Variants in NCKAP5 observed in about 807,000 individuals in gnomAD.
NCKAP5 encodes the protein nck-associated protein 5.
Under a neutral mutation model 167.0 loss-of-function variants are expected in NCKAP5, and 92 were observed. The observed-to-expected ratio is 0.55, with a 90% CI of 0.47 to 0.66. The LOEUF is 0.66. Among genes scored for constraint, NCKAP5 ranks in the 30% least tolerant of loss-of-function variants. The probability of loss-of-function intolerance (pLI) is 0.00; values close to 1 mark genes in which losing one functional copy is unlikely to be tolerated. For missense variants in NCKAP5, 2,378 were observed against 2,315.0 expected, an observed-to-expected ratio of 1.03 and a Z score of -0.56; for synonymous variants, 891 against 877.4, an observed-to-expected ratio of 1.02 and a Z score of -0.27.
intron 4 of NCKAP5, among the ~76,000 whole-genome samples, chr2:133,241,783 A>C (rs1260411803): frequency 1.3e-5 from 2 of 152,202 alleles, no homozygotes; most frequent in Admixed American, 6.5e-5. Context: ...TATGAATTTC[A>C]GAATGAGATG....
the NCKAP5 span, among the ~76,000 whole-genome samples, chr2:133,670,622 A>G: frequency 2.6e-5 from 4 of 152,152 alleles, no homozygotes; most frequent in African/African-American, 9.7e-5. Flanking sequence ...CAAGGTCCCT[A>G]CCCTCATGGG....
the NCKAP5 span, among the ~76,000 whole-genome samples, chr2:133,663,702 C>T: frequency 1.3e-5 from 2 of 152,182 alleles, no homozygotes; most frequent in Non-Finnish European, 2.9e-5. Context: ...AATTCAGTCA[C>T]ATCTTCAGGC....
At chr2:133,597,748 C>T in the NCKAP5 span, among the ~76,000 whole-genome samples, 1 of 151,242 alleles carries the variant, frequency 6.6e-6, no homozygotes, top group Non-Finnish European at 1.5e-5. Context: ...CAAACCTCCT[C>T]TCATGCCTCT....
rs529663021 is a variant in NCKAP5, at chr2:132,803,872, G to A, written c.808-7143C>T. Reference sequence around the variant, plus strand: ...CCCTGAGCAGACCAAGCACACAAAGGAGAAAAAAATACAAGAATTCTTAAG... The same window carrying A: ...CCCTGAGCAGACCAAGCACACAAAGAAGAAAAAAATACAAGAATTCTTAAG... On this transcript the variant is annotated intron_variant, in intron 11 of 19. Transcript: ENST00000409261. Among the ~76,000 whole-genome samples the A allele has an allele frequency of 3.3e-5, 5 of 151,898 alleles. No homozygotes were observed. The East Asian group carries it at 9.7e-4, about 29-fold the overall frequency.
intron 5 of NCKAP5, among the ~76,000 whole-genome samples, chr2:133,168,502 T>A (rs1366948346): frequency 1.3e-5 from 2 of 152,034 alleles, no homozygotes; most frequent in Non-Finnish European, 2.9e-5. Flanking sequence ...TCTATTACAG[T>A]GTGGAGTCAT....
intron 3 of NCKAP5, among the ~76,000 whole-genome samples, chr2:133,326,266 C>T (rs185330046): frequency 2.4e-4 from 36 of 152,042 alleles, no homozygotes; most frequent in Non-Finnish European, 5.1e-4. Flanking sequence ...CCATCCTGGC[C>T]AACACGGTGA....
At chr2:133,323,075 C>G (rs1682173543) in intron 3 of NCKAP5, among the ~76,000 whole-genome samples, 1 of 152,196 alleles carries the variant, frequency 6.6e-6, no homozygotes, top group Non-Finnish European at 1.5e-5. Context: ...ATTTATCCTT[C>G]CACCTATTCA....
chr2:133,381,660 T>C (rs1559434275), intron 3 of NCKAP5: 1 of 152,198 alleles, frequency 6.6e-6, no homozygotes, highest in East Asian at 1.9e-4. Flanking sequence ...AGTGGCCAAA[T>C]CCCATAGCTA....
At chr2:133,204,538 C>T (rs1459282745) in intron 5 of NCKAP5, among the ~76,000 whole-genome samples, 2 of 152,106 alleles carry the variant, frequency 1.3e-5, no homozygotes, top group African/African-American at 4.8e-5. Flanking sequence ...ATTTGTCCTC[C>T]TGAGGGGCCT....
At chr2:133,464,995 C>A (rs1023732456) in intron 3 of NCKAP5, among the ~76,000 whole-genome samples, 2 of 150,754 alleles carry the variant, frequency 1.3e-5, no homozygotes, top group African/African-American at 4.9e-5. Flanking sequence ...TAGTATCTGG[C>A]ACTGCTTTTG....
intron 3 of NCKAP5, among the ~76,000 whole-genome samples, chr2:133,327,813 T>G (rs985524099): frequency 7.2e-5 from 11 of 152,118 alleles, no homozygotes; most frequent in African/African-American, 2.4e-4. Context: ...AGACTAAAAG[T>G]GAATGCATAG....
In NCKAP5 at chr2:133,195,891, T is replaced by C. The variant is rs187160283; in HGVS notation, c.207+17825A>G. On this transcript the variant is annotated intron_variant, in intron 5 of 19. Coordinates refer to ENST00000409261, the MANE Select transcript of NCKAP5 (RefSeq NM_207363.3). ...GAAAATAAGACTGATAGAGTCAAGA[T>C]TATAAATTTTAATGCCTGTTAGAGA... Among the ~76,000 whole-genome samples the C allele has an allele frequency of 4.5e-4, 68 of 152,184 alleles. 1 individual carries two copies. The highest frequency in any genetic ancestry group is 3.5e-3 in the Admixed American group (54 of 15,258).
At chr2:133,180,731 A>G (rs1013042992) in intron 5 of NCKAP5, among the ~76,000 whole-genome samples, 5 of 152,152 alleles carry the variant, frequency 3.3e-5, no homozygotes, top group African/African-American at 1.2e-4. Flanking sequence ...AAGACCTGAA[A>G]CCATAACACT....
At chr2:133,151,194 T>TA (rs2083374064) in intron 5 of NCKAP5, among the ~76,000 whole-genome samples, 1 of 152,102 alleles carries the variant, frequency 6.6e-6, no homozygotes, top group African/African-American at 2.4e-5. Context: ...AAAGTTTTTT[T>TA]AAAAAAACAG....
chr2:133,609,522 TA>T, the NCKAP5 span, among the ~76,000 whole-genome samples: 1 of 152,200 alleles, frequency 6.6e-6, no homozygotes, highest in Admixed American at 6.5e-5. Flanking sequence ...TACTACCAAC[TA>T]AATAAGCCAT....
intron 7 of NCKAP5, among the ~76,000 whole-genome samples, chr2:132,974,518 T>TCTA (rs368010654): frequency 1.2e-3 from 184 of 152,314 alleles, no homozygotes; most frequent in African/African-American, 4.3e-3. Context: ...GGAAACAGCC[T>TCTA]CTAATGGGTT....
intron 5 of NCKAP5, among the ~76,000 whole-genome samples, chr2:133,139,940 C>T (rs2082935607): frequency 6.6e-6 from 1 of 152,076 alleles, no homozygotes; most frequent in Non-Finnish European, 1.5e-5. Flanking sequence ...CTGCCTAATT[C>T]AGACTCTCTT....
At chr2:133,275,798 A>C (rs2089700791) in intron 4 of NCKAP5, among the ~76,000 whole-genome samples, 1 of 151,922 alleles carries the variant, frequency 6.6e-6, no homozygotes, top group Non-Finnish European at 1.5e-5. Flanking sequence ...AACAAATCAG[A>C]ATCTAGTTGC....
chr2:133,137,451 T>TGTGTGTGTGTGTGTGTG (rs1559179692), intron 5 of NCKAP5, among the ~76,000 whole-genome samples: 6 of 141,574 alleles, frequency 4.2e-5, no homozygotes, highest in Non-Finnish European at 7.7e-5. Context: ...TGTGTGTGTG[T>TGTGTGTGTGTGTGTGTG]TTTGGAAAAG....
Sources: allele counts gnomAD v4.1 joint callset (sites outside exome capture counted in the v4.1 genomes callset), GRCh38; gene constraint gnomAD v4.1.1; transcripts MANE v1.5; gene names NCBI Gene and HGNC (gene_info 2026-07-23, HGNC 2026-07-21).